The following ANXA5 variants were observed in gnomAD, a reference collection of about 807,000 sequenced individuals.
ANXA5 encodes annexin A5, also known as CBP-I.
ANXA5 carries 40 observed loss-of-function variants against 48.1 expected under a neutral mutation model. The ratio of observed to expected loss-of-function variants is 0.83; its 90% CI spans 0.65 to 1.08. The LOEUF (loss-of-function observed/expected upper bound fraction) is 1.08, where lower values mean the gene tolerates loss of function less well. Among genes scored for constraint, ANXA5 ranks in the 50% least tolerant of loss-of-function variants. The pLI is 0.00. For synonymous variants in ANXA5, 113 were observed against 129.1 expected, an observed-to-expected ratio of 0.88 and a Z score of 0.85; for missense variants, 357 against 376.8, an observed-to-expected ratio of 0.95 and a Z score of 0.44.
At chr4:121,696,502 A>G (rs1374927550) in intron 2 of ANXA5, 79 bp downstream of exon 2, 3 of 1,280,614 alleles carry the variant, frequency 2.3e-6, no homozygotes, top group East Asian at 5.7e-5. Context: ...TTTGGCTCTC[A>G]GACAAATCCT....
At position 121,669,935 on chromosome 4, in the gene ANXA5, G is replaced by T. The variant is rs376983993; in HGVS notation, c.780+19C>A. 6.3e-5 allele frequency: 98 copies of T among 1,567,374 alleles called. 1 individual carries two copies. The African/African-American group carries it at 1.2e-3, about 19-fold the overall frequency. ...GAAAGAGAAATGTATTAGATAGAAGGTTCATGGTCTCCACTTACCTTCATA... is the reference window on the plus strand; with the variant it reads ...GAAAGAGAAATGTATTAGATAGAAGTTTCATGGTCTCCACTTACCTTCATA... On this transcript the variant is annotated intron_variant, in intron 11 of 12. Transcript: ENST00000296511.
At chr4:121,675,124 A>G (rs1158162467) in intron 8 of ANXA5, among the ~76,000 whole-genome samples, 1 of 152,240 alleles carries the variant, frequency 6.6e-6, no homozygotes, top group South Asian at 2.1e-4. Context: ...CCAGAGAAAG[A>G]ATAAAACAAG....
At chr4:121,669,920 T>C (rs1473481434) in intron 11 of ANXA5, 34 bp downstream of exon 11, 2 of 1,509,062 alleles carry the variant, frequency 1.3e-6, no homozygotes, top group African/African-American at 2.8e-5. Context: ...GAAAGAGAAA[T>C]GTATTAGATA....
chr4:121,696,742 C>T (rs950652110), intron 1 of ANXA5, 118 bp from the exon 2 acceptor site: 10 of 537,000 alleles, frequency 1.9e-5, no homozygotes, highest in African/African-American at 1.4e-4. Flanking sequence ...CGCCACGGGG[C>T]CGACCCGCCC....
chr4:121,682,503 T>A (rs1046208297), intron 5 of ANXA5, among the ~76,000 whole-genome samples: 2 of 152,136 alleles, frequency 1.3e-5, no homozygotes. Flanking sequence ...CTGAAAAACC[T>A]AGAGTTCATT....
chr4:121,680,414 C>T (rs1471263716), intron 6 of ANXA5, among the ~76,000 whole-genome samples: 1 of 152,210 alleles, frequency 6.6e-6, no homozygotes, highest in African/African-American at 2.4e-5. Context: ...TGACCTCTCT[C>T]TTCTGAATGC....
At chr4:121,673,073 C>T (rs150063213) in intron 8 of ANXA5, among the ~76,000 whole-genome samples, 1 of 152,272 alleles carries the variant, frequency 6.6e-6, no homozygotes, top group African/African-American at 2.4e-5. Flanking sequence ...TAAAAGTACA[C>T]TTCATATTTT....
chr4:121,678,292 G>A (rs13109053), intron 7 of ANXA5, 123 bp downstream of exon 7: 190,696 of 754,106 alleles, frequency 0.25, 25,770 homozygotes, highest in Non-Finnish European at 0.29. Context: ...CAGAATCATC[G>A]CAGTAAGAAT....
chr4:121,672,791 G>A (rs1260148605), intron 8 of ANXA5, among the ~76,000 whole-genome samples, 165 bp from the exon 9 acceptor site: 1 of 152,194 alleles, frequency 6.6e-6, no homozygotes, highest in Non-Finnish European at 1.5e-5. Context: ...AGCTCACTGA[G>A]TTTGGAGCAC....
At chr4:121,669,322 T>C (rs1164255805) in intron 12 of ANXA5, 4 of 307,022 alleles carry the variant, frequency 1.3e-5, no homozygotes, top group Non-Finnish European at 2.4e-5. Flanking sequence ...ATTATTATCA[T>C]AGGCAAGGGG....
At chr4:121,680,979 CT>C (rs1409459357) in intron 6 of ANXA5, among the ~76,000 whole-genome samples, 1 of 152,134 alleles carries the variant, frequency 6.6e-6, no homozygotes. Flanking sequence ...GGCTTGGAGT[CT>C]GTTGACTGAG....
At chr4:121,674,460 T>C (rs1724665555) in intron 8 of ANXA5, among the ~76,000 whole-genome samples, 1 of 152,144 alleles carries the variant, frequency 6.6e-6, no homozygotes, top group Non-Finnish European at 1.5e-5. Context: ...TACAAATACA[T>C]TAACACCTAA....
chr4:121,681,570 T>A (rs1724793026), intron 6 of ANXA5, 101 bp downstream of exon 6: 1 of 652,542 alleles, frequency 1.5e-6, no homozygotes, highest in African/African-American at 1.8e-5. Context: ...ATCCATCATT[T>A]ACTGCGTGCC....
intron 2 of ANXA5, among the ~76,000 whole-genome samples, chr4:121,689,643 A>G (rs1434409898): frequency 6.6e-6 from 1 of 152,180 alleles, no homozygotes; most frequent in Non-Finnish European, 1.5e-5. Flanking sequence ...AAACAAAAAC[A>G]AGGGAAAGGT....
Position 121,695,859 on chromosome 4 carries a change from G to C in ANXA5, c.9+722C>G, listed in dbSNP as rs117112560. Among the ~76,000 whole-genome samples, 1,586 of 151,268 alleles carry C rather than the reference G, an allele frequency of 0.01. 82 individuals carry two copies. The East Asian group carries it at 0.15, about 14-fold the overall frequency. ...AGGTTGTAGTGAGCGAGATCACTAC[G>C]TCACTGGACTCCAGCCTGGGCGACA... On this transcript the variant is annotated intron_variant, in intron 2 of 12. Coordinates refer to ENST00000296511, the MANE Select transcript of ANXA5 (RefSeq NM_001154.4).
At chr4:121,683,191 C>T (rs529023822) in intron 5 of ANXA5, among the ~76,000 whole-genome samples, 173 bp downstream of exon 5, 1 of 152,196 alleles carries the variant, frequency 6.6e-6, no homozygotes, top group East Asian at 1.9e-4. Flanking sequence ...AAATGACACA[C>T]GTGTAATTTT....
At chr4:121,693,951 A>T (rs1455920981) in intron 2 of ANXA5, among the ~76,000 whole-genome samples, 13 of 152,192 alleles carry the variant, frequency 8.5e-5, no homozygotes, top group Admixed American at 8.5e-4. Context: ...GGGCTTTTTT[A>T]AATTATTATA....
chr4:121,686,648 T>A (rs1724896125), intron 2 of ANXA5, among the ~76,000 whole-genome samples: 1 of 152,148 alleles, frequency 6.6e-6, no homozygotes, highest in Non-Finnish European at 1.5e-5. Context: ...CAACACCTCC[T>A]GGTTCACAGA....
At position 121,678,158 on chromosome 4, in the gene ANXA5, A is replaced by T. The variant is rs960922953; in HGVS notation, c.475-208T>A. 6 of 610,474 alleles carry T rather than the reference A, an allele frequency of 9.8e-6. No homozygotes were observed. In the African/African-American group the frequency reaches 1.1e-4, roughly 11 times the overall value. 37.8% of individuals were successfully genotyped at this position (610,474 alleles called of 1,614,324 possible). Reference sequence around the variant, plus strand: ...CTACTGATTTTAAATTCTATGAAAGAACAAGATACCGCTATCATTCTATGA... The same window carrying T: ...CTACTGATTTTAAATTCTATGAAAGTACAAGATACCGCTATCATTCTATGA... On this transcript the variant is annotated intron_variant, in intron 7 of 12. Coordinates refer to ENST00000296511, the MANE Select transcript of ANXA5 (RefSeq NM_001154.4).
Sources: allele counts gnomAD v4.1 joint callset (sites outside exome capture counted in the v4.1 genomes callset), GRCh38; gene constraint gnomAD v4.1.1; transcripts MANE v1.5; gene names NCBI Gene and HGNC (gene_info 2026-07-23, HGNC 2026-07-21).